COL4A6: variants seen among roughly 807,000 people sequenced by gnomAD.
COL4A6 encodes the protein collagen alpha-6(IV) chain.
A neutral mutation model predicts 126.7 loss-of-function variants in COL4A6; 59 were observed. The observed-to-expected ratio is 0.47, with a 90% CI of 0.38 to 0.58. The LOEUF is 0.58. Among genes scored for constraint, COL4A6 ranks in the 20% least tolerant of loss-of-function variants. COL4A6 has a pLI of 0.00. For missense variants in COL4A6, 1,285 were observed against 1,337.3 expected, an observed-to-expected ratio of 0.96 and a Z score of 0.61; for synonymous variants, 547 against 496.6, an observed-to-expected ratio of 1.10 and a Z score of -1.35.
intron 3 of COL4A6, among the ~76,000 whole-genome samples, chrX:108,278,210 T>A (rs1483214084): frequency 1.8e-5 from 2 of 111,494 alleles, no homozygotes; most frequent in African/African-American, 6.5e-5. Context: ...CAGGAGGAAA[T>A]TCAAACCAAA....
At chrX:108,426,863 C>T (rs972529040) in intron 2 of COL4A6, among the ~76,000 whole-genome samples, 2 of 111,685 alleles carry the variant, frequency 1.8e-5, no homozygotes, top group African/African-American at 6.5e-5. Flanking sequence ...TTTAAAGTTA[C>T]AGCTTTTAAT....
chrX:108,328,032 A>G (rs1454117176), intron 2 of COL4A6, among the ~76,000 whole-genome samples: 1 of 111,677 alleles, frequency 9.0e-6, no homozygotes, highest in Non-Finnish European at 1.9e-5. Flanking sequence ...CAGGGAAATA[A>G]TTATTTTTTA....
At chrX:108,286,474 A>G (rs1329442966) in intron 3 of COL4A6, among the ~76,000 whole-genome samples, 2 of 112,252 alleles carry the variant, frequency 1.8e-5, no homozygotes, top group Non-Finnish European at 3.8e-5. Flanking sequence ...GCACATAGCC[A>G]CCCAGAATAA....
intron 3 of COL4A6, among the ~76,000 whole-genome samples, chrX:108,277,500 G>A (rs1327852658): frequency 8.9e-6 from 1 of 112,530 alleles, no homozygotes; most frequent in Non-Finnish European, 1.9e-5. Context: ...CTCGAACTGG[G>A]TGGAGCCCAC....
At chrX:108,206,790 C>T in intron 8 of COL4A6, 1 of 515,965 alleles carries the variant, frequency 1.9e-6, no homozygotes, top group South Asian at 2.4e-5. Flanking sequence ...TAAGAAGTAG[C>T]AAACTACTGA....
chrX:108,302,943 A>G (rs975520232), intron 3 of COL4A6, among the ~76,000 whole-genome samples: 35 of 111,243 alleles, frequency 3.1e-4, no homozygotes, highest in Non-Finnish European at 5.3e-4. Flanking sequence ...AAATGTGAAT[A>G]GAAATTTTCA....
At chrX:108,419,355 T>A (rs1184714121) in intron 2 of COL4A6, among the ~76,000 whole-genome samples, 3 of 111,993 alleles carry the variant, frequency 2.7e-5, no homozygotes, top group Non-Finnish European at 3.8e-5. Flanking sequence ...GATTATATTA[T>A]TGATCCATTC....
intron 2 of COL4A6, among the ~76,000 whole-genome samples, chrX:108,378,622 G>A (rs1212600997): frequency 8.9e-6 from 1 of 112,277 alleles, no homozygotes; most frequent in African/African-American, 3.2e-5. Flanking sequence ...AATGAAATAC[G>A]GGTAGGATTC....
chrX:108,418,574 C>T lies in COL4A6; in HGVS notation c.63+19368G>A, dbSNP rs139483440. ...AAAATGTTATGGAAAATGTCTCTAT[C>T]ATGGCAGATATACCATAAGTAAAAC... is the stretch of plus-strand genomic sequence containing the variant. On this transcript the variant is annotated intron_variant, in intron 2 of 44. Transcript: ENST00000334504. 6.2e-5 allele frequency among the ~76,000 whole-genome samples: 7 copies of T among 112,121 alleles called. No individual in the cohort carries two copies. In the East Asian group the frequency reaches 2.0e-3, roughly 31 times the overall value.
chrX:108,322,794 A>G (rs1201936002), intron 2 of COL4A6, among the ~76,000 whole-genome samples: 2 of 112,069 alleles, frequency 1.8e-5, no homozygotes, highest in African/African-American at 6.5e-5. Context: ...GATGCACATT[A>G]AGCTTGAATT....
chrX:108,343,353 A>G (rs1387021956), intron 2 of COL4A6, among the ~76,000 whole-genome samples: 1 of 109,295 alleles, frequency 9.1e-6, no homozygotes, highest in Non-Finnish European at 1.9e-5. Flanking sequence ...TCCGAGATGT[A>G]TAGACAATGA....
At chrX:108,325,475 C>T (rs187956939) in intron 2 of COL4A6, among the ~76,000 whole-genome samples, 1 of 111,404 alleles carries the variant, frequency 9.0e-6, no homozygotes, top group African/African-American at 3.3e-5. Flanking sequence ...AAAAACCTTC[C>T]AATAAAGGAA....
At chrX:108,225,897 G>A (rs182643173) in intron 3 of COL4A6, among the ~76,000 whole-genome samples, 39 of 112,418 alleles carry the variant, frequency 3.5e-4, no homozygotes, top group East Asian at 1.7e-3. Flanking sequence ...CCACTGAGGC[G>A]TTAATGACTG....
At chrX:108,272,308 G>T (rs994766580) in intron 3 of COL4A6, among the ~76,000 whole-genome samples, 1 of 111,880 alleles carries the variant, frequency 8.9e-6, no homozygotes, top group Admixed American at 9.6e-5. Context: ...AAAGGAATAT[G>T]AATGACTCTT....
chrX:108,262,756 G>T (rs2037200067), intron 3 of COL4A6, among the ~76,000 whole-genome samples: 1 of 111,253 alleles, frequency 9.0e-6, no homozygotes, highest in African/African-American at 3.3e-5. Flanking sequence ...ATCACGGATT[G>T]GTGGTTAAGA....
At chrX:108,318,258 G>A (rs926951823) in intron 2 of COL4A6, among the ~76,000 whole-genome samples, 16 of 111,578 alleles carry the variant, frequency 1.4e-4, no homozygotes, top group Admixed American at 1.1e-3. Context: ...CAAACCCACA[G>A]CCAGTATCAT....
At chrX:108,216,614 T>C (rs1213386590) in intron 5 of COL4A6, among the ~76,000 whole-genome samples, 2 of 112,656 alleles carry the variant, frequency 1.8e-5, no homozygotes, top group Non-Finnish European at 3.8e-5. Context: ...TTGCCCTTCA[T>C]TCTTATAGCT....
intron 3 of COL4A6, among the ~76,000 whole-genome samples, chrX:108,288,194 G>A (rs1189655898): frequency 9.0e-6 from 1 of 111,568 alleles, no homozygotes; most frequent in African/African-American, 3.3e-5. Context: ...AATTTATTTA[G>A]AACAGCTTCT....
At position 108,214,096 on chromosome X, in the gene COL4A6, A is replaced by G; in HGVS notation, c.441+16T>C. On this transcript the variant is annotated intron_variant, in intron 6 of 44. Coordinates refer to ENST00000334504, the MANE Select transcript of COL4A6 (RefSeq NM_033641.4). ...CAAAGCCATTTGAAATAAAATGCAAATATCTGGCAGCATACGGGTGGTCCG... is the reference window on the plus strand; with the variant it reads ...CAAAGCCATTTGAAATAAAATGCAAGTATCTGGCAGCATACGGGTGGTCCG... The G allele has an allele frequency of 8.6e-7, 1 of 1,168,175 alleles. No homozygotes were observed. The highest frequency in any genetic ancestry group is 1.2e-6 in the Non-Finnish European group (1 of 857,893).
Sources: allele counts gnomAD v4.1 joint callset (sites outside exome capture counted in the v4.1 genomes callset), GRCh38; gene constraint gnomAD v4.1.1; transcripts MANE v1.5; gene names NCBI Gene and HGNC (gene_info 2026-07-23, HGNC 2026-07-21).